The following DOP1B variants were observed in gnomAD, a reference collection of about 807,000 sequenced individuals.
DOP1B encodes the protein DOP1 leucine zipper like protein B, also known as protein DOP1B.
Under a neutral mutation model 233.5 loss-of-function variants are expected in DOP1B, and 174 were observed. That is an observed-to-expected ratio of 0.75 (90% CI 0.66 to 0.85). DOP1B has a LOEUF of 0.85. Among genes scored for constraint, DOP1B ranks in the 40% least tolerant of loss-of-function variants. DOP1B has a pLI of 0.00. For synonymous variants in DOP1B, 1,190 were observed against 1,185.6 expected (o/e 1.00, Z -0.08); for missense variants, 2,652 against 2,846.6 (o/e 0.93, Z 1.56).
Position 36,183,658 on chromosome 21 carries a change from G to A in DOP1B, c.139-15412G>A, listed in dbSNP as rs1044134910. On this transcript the variant is annotated intron_variant, in intron 2 of 36. Coordinates refer to ENST00000691173, the MANE Select transcript of DOP1B (RefSeq NM_001320714.2). The stretch of plus-strand genomic sequence containing the variant: ...ATGGCGGAGGCACCATTCCAACTAC[G>A]GAACCTTTGTTGTGTTTTGGAGGGG... Among the ~76,000 whole-genome samples, 9 of 152,224 alleles carry A rather than the reference G, an allele frequency of 5.9e-5. No homozygotes were observed. The East Asian group carries it at 9.6e-4, about 16-fold the overall frequency.
At chr21:36,162,983 G>A (rs2065881225) in intron 1 of DOP1B, among the ~76,000 whole-genome samples, 1 of 152,132 alleles carries the variant, frequency 6.6e-6, no homozygotes, top group Admixed American at 6.6e-5. Flanking sequence ...TAAAGAAGTG[G>A]TCTGCCGCAG....
chr21:36,274,035 G>A (rs1197890401), intron 27 of DOP1B, among the ~76,000 whole-genome samples: 2 of 152,054 alleles, frequency 1.3e-5, no homozygotes, highest in African/African-American at 2.4e-5. Context: ...CCGAGATCGC[G>A]CCGCTCCACT....
Position 36,189,923 on chromosome 21 carries a change from T to C in DOP1B, c.139-9147T>C, listed in dbSNP as rs1453258806. Among the ~76,000 whole-genome samples the C allele has an allele frequency of 5.4e-5, 8 of 147,606 alleles. No individual in the cohort carries two copies. In the Admixed American group the frequency reaches 5.5e-4, roughly 10 times the overall value. ...TACCTGGGAGACTGAGGCAGGAGAA[T>C]CGCTGGAACCTGGGAAGTGGAGGTT... On this transcript the variant is annotated intron_variant, in intron 2 of 36. Coordinates refer to ENST00000691173, the MANE Select transcript of DOP1B (RefSeq NM_001320714.2).
intron 17 of DOP1B, among the ~76,000 whole-genome samples, chr21:36,239,135 C>T (rs540022403): frequency 2.6e-5 from 4 of 152,224 alleles, no homozygotes; most frequent in Non-Finnish European, 5.9e-5. Context: ...TGCACATGAC[C>T]CCTCCGAGCA....
At chr21:36,255,737 A>T (rs1352128342) in intron 23 of DOP1B, among the ~76,000 whole-genome samples, 2 of 152,138 alleles carry the variant, frequency 1.3e-5, no homozygotes, top group African/African-American at 4.8e-5. Context: ...TGGCTGCATA[A>T]TTTTTTATAA....
intron 2 of DOP1B, among the ~76,000 whole-genome samples, chr21:36,187,468 T>TG (rs2066177723): frequency 6.6e-6 from 1 of 151,132 alleles, no homozygotes; most frequent in Non-Finnish European, 1.5e-5. Flanking sequence ...CTAATTTTTG[T>TG]TTTTTTTTAG....
chr21:36,292,383 A>G, intron 36 of DOP1B, 150 bp downstream of exon 36: 1 of 629,212 alleles, frequency 1.6e-6, no homozygotes, highest in East Asian at 3.0e-5. Context: ...CAGCTTCCGG[A>G]GTAGCTGGGA....
At chr21:36,285,546 C>A (rs1410043893) in intron 32 of DOP1B, among the ~76,000 whole-genome samples, 2 of 152,126 alleles carry the variant, frequency 1.3e-5, no homozygotes, top group Non-Finnish European at 2.9e-5. Flanking sequence ...TAGGCCCAGC[C>A]CCCCTGAGTC....
At position 36,288,352 on chromosome 21, in the gene DOP1B, TC is replaced by T. The variant is rs1348259642; in HGVS notation, c.6297+204del. ...TTTGATCTCTCACCCTGTCAGTTATTCCAACTAACTTGTACCATTTGATAAT... is the reference window on the plus strand; with the variant it reads ...TTTGATCTCTCACCCTGTCAGTTATTCAACTAACTTGTACCATTTGATAAT... On this transcript the variant is annotated intron_variant, in intron 33 of 36. Transcript: ENST00000691173. Among the ~76,000 whole-genome samples, 3 of 152,342 alleles carry T rather than the reference TC, an allele frequency of 2.0e-5. No individual in the cohort carries two copies. In the East Asian group the frequency reaches 5.8e-4, roughly 29 times the overall value.
Position 36,246,382 on chromosome 21 carries a change from C to G in DOP1B, c.4402C>G (p.Leu1468Val), listed in dbSNP as rs1171071683. The G allele has an allele frequency of 1.9e-6, 3 of 1,613,470 alleles. No individual in the cohort carries two copies. The highest frequency in any genetic ancestry group is 2.5e-6 in the Non-Finnish European group (3 of 1,179,828). ...TGAGGAGGCGGAAAACCAGCCCGAC[C>G]TGTCCCGGGAGTGGCAGAGAGCCCT... ...AHEEAENQPD[L>V]SREWQRALNF... is the part of the protein sequence containing the mutation. The change falls in exon 19 of 37, where the codon CTG (leucine) becomes GTG (valine). Residue 1468 changes from leucine to valine, a missense_variant. Physicochemically the swap from Leu to Val is conservative, Grantham distance 32 (BLOSUM62 1). This residue lies in a region of DOP1B where 2,617 missense variants were observed against 2,794.3 expected (regional missense o/e 0.94). Coordinates refer to ENST00000691173, the MANE Select transcript of DOP1B (RefSeq NM_001320714.2). This position sits in a 1 kb window ranked among gnomAD's most constrained non-coding sequence, Gnocchi z 5.1.
chr21:36,267,042 C>T (rs2067238804), intron 26 of DOP1B, among the ~76,000 whole-genome samples: 1 of 152,210 alleles, frequency 6.6e-6, no homozygotes, highest in African/African-American at 2.4e-5. Context: ...TGCTTCACAC[C>T]TCAACACAAC....
chr21:36,257,631 T>TAGAC (rs1254873461), intron 23 of DOP1B, among the ~76,000 whole-genome samples: 3 of 130,224 alleles, frequency 2.3e-5, no homozygotes, highest in Non-Finnish European at 3.5e-5. Context: ...GATAGATAGA[T>TAGAC]AGATAGATAG....
chr21:36,164,514 G>A (rs963826840), intron 1 of DOP1B, 194 bp from the exon 2 acceptor site: 3 of 334,098 alleles, frequency 9.0e-6, no homozygotes, highest in Non-Finnish European at 1.6e-5. Context: ...CAGAATCCAC[G>A]AGGGCGGGAA....
intron 17 of DOP1B, 76 bp downstream of exon 17, chr21:36,238,777 C>T: frequency 1.4e-6 from 2 of 1,425,236 alleles, no homozygotes; most frequent in Non-Finnish European, 9.9e-7. Context: ...ACGTGTGGGG[C>T]TGGGGAGGGA....
At chr21:36,171,044 G>C (rs895041832) in intron 2 of DOP1B, among the ~76,000 whole-genome samples, 1 of 152,056 alleles carries the variant, frequency 6.6e-6, no homozygotes, top group African/African-American at 2.4e-5. Flanking sequence ...AGGAGTTGAC[G>C]TGCATTATTG....
intron 23 of DOP1B, among the ~76,000 whole-genome samples, chr21:36,260,340 A>T (rs1318666757): frequency 6.6e-6 from 1 of 152,178 alleles, no homozygotes; most frequent in East Asian, 1.9e-4. Flanking sequence ...ATATGCATTC[A>T]CTGGAGTCAA....
chr21:36,199,292 G>A, intron 3 of DOP1B, 41 bp downstream of exon 3: 1 of 1,582,418 alleles, frequency 6.3e-7, no homozygotes, highest in South Asian at 1.2e-5. Context: ...TATTACCCAA[G>A]TAACCGGTAT....
chr21:36,255,054 A>G (rs1290029329), intron 23 of DOP1B, among the ~76,000 whole-genome samples: 1 of 143,442 alleles, frequency 7.0e-6, no homozygotes. Context: ...GGCTCAAGTG[A>G]TTCTTGTGCC....
chr21:36,219,979 C>T (rs920664345), intron 10 of DOP1B, among the ~76,000 whole-genome samples: 34 of 151,890 alleles, frequency 2.2e-4, no homozygotes, highest in African/African-American at 8.0e-4. Context: ...CACCGGAGAG[C>T]ACAGGCTCCA....
Sources: allele counts gnomAD v4.1 joint callset (sites outside exome capture counted in the v4.1 genomes callset), GRCh38; gene constraint gnomAD v4.1.1; regional missense constraint gnomAD v4.1.1; non-coding constraint Gnocchi (gnomAD v3.1); transcripts MANE v1.5; gene names NCBI Gene and HGNC (gene_info 2026-07-23, HGNC 2026-07-21).